Variants in LANCL3 observed in about 807,000 individuals in gnomAD.
The protein encoded by LANCL3 is lanC-like protein 3.
Under a neutral mutation model 26.5 loss-of-function variants are expected in LANCL3, and 19 were observed. The ratio of observed to expected loss-of-function variants is 0.72; its 90% confidence interval spans 0.50 to 1.05. The LOEUF (loss-of-function observed/expected upper bound fraction) is 1.05, where lower values mean the gene tolerates loss of function less well. Ranked by LOEUF, LANCL3 falls within the 50% of genes least tolerant of loss-of-function variation. The probability of loss-of-function intolerance (pLI) is 0.00; values close to 1 mark genes in which losing one functional copy is unlikely to be tolerated. For missense variants in LANCL3, 318 were observed against 362.7 expected (o/e 0.88, Z 1.00); for synonymous variants, 160 against 166.6 (o/e 0.96, Z 0.30).
intron 1 of LANCL3, among the ~76,000 whole-genome samples, chrX:37,592,886 C>T (rs184762050): frequency 9.0e-6 from 1 of 111,046 alleles, no homozygotes; most frequent in Non-Finnish European, 1.9e-5. Flanking sequence ...GATGGGAAAA[C>T]AATAAAGAAG....
intron 1 of LANCL3, among the ~76,000 whole-genome samples, chrX:37,644,037 T>G (rs1265811306): frequency 6.3e-5 from 7 of 111,990 alleles, no homozygotes; most frequent in Non-Finnish European, 1.9e-5. Flanking sequence ...AAGCTAAGTT[T>G]GGAACTCAGG....
chrX:37,579,102 T>C (rs782685951), intron 1 of LANCL3, among the ~76,000 whole-genome samples: 2 of 110,564 alleles, frequency 1.8e-5, no homozygotes, highest in Non-Finnish European at 3.8e-5. Context: ...ATATTATACA[T>C]ATATTACACA....
intron 1 of LANCL3, among the ~76,000 whole-genome samples, chrX:37,632,943 C>G (rs1233531671): frequency 9.0e-6 from 1 of 110,999 alleles, no homozygotes; most frequent in African/African-American, 3.3e-5. Context: ...TGGAGTTGCT[C>G]TTCTCGAGGA....
At chrX:37,601,345 G>A (rs1556419995) in intron 1 of LANCL3, among the ~76,000 whole-genome samples, 1 of 111,476 alleles carries the variant, frequency 9.0e-6, no homozygotes, top group African/African-American at 3.3e-5. Flanking sequence ...CTCGAGTGAC[G>A]AGATATTATT....
In LANCL3 at chrX:37,681,734, A is replaced by G. The variant is rs190112426; in HGVS notation, c.*5921A>G. 1.8e-5 allele frequency: 2 copies of G among 112,050 alleles called. No individual in the cohort carries two copies. Among genetic ancestry groups the G allele is most frequent in the East Asian group, 5.6e-4 (2 of 3,573 alleles). 9.2% of individuals were successfully genotyped at this position (112,050 alleles called of 1,213,427 possible). On this transcript the variant is annotated 3_prime_UTR_variant, in exon 5 of 5. Coordinates refer to ENST00000378619, the MANE Select transcript of LANCL3 (RefSeq NM_001170331.2). ...GTCTATAAGAATCCTAGAAATTGCCACAAGTGTCTCTCCATAAGAAAAACT... is the reference window on the plus strand; with the variant it reads ...GTCTATAAGAATCCTAGAAATTGCCGCAAGTGTCTCTCCATAAGAAAAACT...
intron 1 of LANCL3, among the ~76,000 whole-genome samples, chrX:37,591,857 A>T (rs1167262239): frequency 1.8e-5 from 2 of 109,556 alleles, no homozygotes; most frequent in Non-Finnish European, 3.8e-5. Context: ...AAGCATATGG[A>T]CATAGGGGGA....
intron 1 of LANCL3, among the ~76,000 whole-genome samples, chrX:37,587,151 C>T (rs1277233948): frequency 8.9e-6 from 1 of 112,638 alleles, no homozygotes; most frequent in African/African-American, 3.2e-5. Context: ...GATTGTTCCT[C>T]TGGAGGTTTC....
intron 1 of LANCL3, among the ~76,000 whole-genome samples, chrX:37,628,299 C>G (rs188889058): frequency 3.8e-4 from 42 of 110,907 alleles, no homozygotes; most frequent in African/African-American, 1.3e-3. Flanking sequence ...TCATACACAT[C>G]CAAATTGAGG....
intron 4 of LANCL3, among the ~76,000 whole-genome samples, chrX:37,674,558 A>C (rs1556436869): frequency 1.8e-5 from 2 of 111,601 alleles, no homozygotes; most frequent in African/African-American, 6.5e-5. Flanking sequence ...GATGCTGGCT[A>C]TATTATTACA....
intron 3 of LANCL3, 84 bp downstream of exon 3, chrX:37,659,743 G>A: frequency 1.2e-6 from 1 of 828,842 alleles, no homozygotes; most frequent in South Asian, 2.2e-5. Context: ...AGTGAGGATA[G>A]CTAATCTTAT....
At chrX:37,654,035 T>C (rs1232099529) in intron 1 of LANCL3, among the ~76,000 whole-genome samples, 1 of 112,083 alleles carries the variant, frequency 8.9e-6, no homozygotes, top group Non-Finnish European at 1.9e-5. Flanking sequence ...TGTAGACTCT[T>C]GTCTATATCT....
chrX:37,649,253 A>G (rs1023871271), intron 1 of LANCL3, among the ~76,000 whole-genome samples: 1 of 112,445 alleles, frequency 8.9e-6, no homozygotes. Flanking sequence ...GCACATATAT[A>G]CCACGGAATA....
chrX:37,611,991 C>T (rs1924885994), intron 1 of LANCL3, among the ~76,000 whole-genome samples: 1 of 110,448 alleles, frequency 9.1e-6, no homozygotes, highest in Non-Finnish European at 1.9e-5. Flanking sequence ...GTGGTGCGAT[C>T]GTACAGTGGC....
chrX:37,577,061 G>A (rs1350144458), intron 1 of LANCL3, among the ~76,000 whole-genome samples: 2 of 112,070 alleles, frequency 1.8e-5, no homozygotes, highest in African/African-American at 6.5e-5. Flanking sequence ...CATTTGTTTC[G>A]TGTTTAAAGG....
chrX:37,649,966 G>T (rs1926092770), intron 1 of LANCL3, among the ~76,000 whole-genome samples: 2 of 110,586 alleles, frequency 1.8e-5, no homozygotes, highest in East Asian at 5.6e-4. Flanking sequence ...TATGGCAGTA[G>T]TTCTCAACCT....
chrX:37,660,170 T>C (rs922607143), intron 3 of LANCL3, among the ~76,000 whole-genome samples: 1 of 111,567 alleles, frequency 9.0e-6, no homozygotes, highest in Non-Finnish European at 1.9e-5. Context: ...CTACATTGGA[T>C]AGTGCAGATC....
intron 1 of LANCL3, among the ~76,000 whole-genome samples, chrX:37,574,494 G>A (rs2146702395): frequency 9.0e-6 from 1 of 111,694 alleles, no homozygotes; most frequent in South Asian, 3.8e-4. Flanking sequence ...ATAAATAGTT[G>A]AATGAATGAA....
intron 1 of LANCL3, among the ~76,000 whole-genome samples, chrX:37,572,801 A>C (rs1556415937): frequency 8.9e-6 from 1 of 111,975 alleles, no homozygotes; most frequent in Non-Finnish European, 1.9e-5. Context: ...TCTGCTGTCA[A>C]AAGCTGAGGC....
chrX:37,643,662 A>C (rs1013286832), intron 1 of LANCL3, among the ~76,000 whole-genome samples: 5 of 112,375 alleles, frequency 4.4e-5, no homozygotes, highest in African/African-American at 1.6e-4. Context: ...GAAGGGTCAT[A>C]CATTGCTAGT....
Sources: gnomAD v4.1 joint callset for allele counts (sites outside exome capture counted in the v4.1 genomes callset) on GRCh38, gnomAD v4.1.1 for gene constraint, MANE v1.5 for transcripts, NCBI Gene and HGNC (gene_info 2026-07-23, HGNC 2026-07-21) for gene names.